Variants in PGLYRP4 observed in about 807,000 individuals in gnomAD.
PGLYRP4 encodes PGRP-I-beta.
PGLYRP4 carries 39 observed loss-of-function variants against 41.2 expected under a neutral mutation model. The ratio of observed to expected loss-of-function variants is 0.95; its 90% CI spans 0.73 to 1.24. The LOEUF (loss-of-function observed/expected upper bound fraction) is 1.24. PGLYRP4 is among the 50% of genes most tolerant of loss of function. The pLI, the probability that PGLYRP4 is intolerant of heterozygous loss-of-function variation, is 0.00. For synonymous variants in PGLYRP4, 202 were observed against 186.8 expected (o/e 1.08, Z -0.66); for missense variants, 467 against 460.7 (o/e 1.01, Z -0.13).
At chr1:153,341,906 GC>G in intron 5 of PGLYRP4, 127 bp from the exon 6 acceptor site, 1 of 813,404 alleles carries the variant, frequency 1.2e-6, no homozygotes, top group Non-Finnish European at 1.9e-6. Flanking sequence ...AACAGGTTAT[GC>G]CCCCAGTTGG....
rs1479813549 is a variant in PGLYRP4 at position 153,341,656 on chromosome 1, G to T, written c.596C>A (p.Ala199Asp). The T allele has an allele frequency of 6.2e-7, 1 of 1,613,258 alleles. No individual in the cohort carries two copies. The highest frequency in any genetic ancestry group is 1.3e-5 in the African/African-American group (1 of 74,920). Residue 199 changes from alanine to aspartate, a missense_variant, in exon 6 of 9, where the codon GCC becomes GAC. Transcript: ENST00000359650. ...PLLGKGENCLAPRQKTSLKKA... is the reference protein window; with the variant it reads ...PLLGKGENCLDPRQKTSLKKA... ...CTTCAGGCTTGTCTTCTGCCGAGGG[G>T]CCAGGCAGTTCTCGCCTTTCCCAAG...
chr1:153,341,553 A>T, intron 6 of PGLYRP4, 74 bp downstream of exon 6: 1 of 1,350,252 alleles, frequency 7.4e-7, no homozygotes, highest in Non-Finnish European at 1.0e-6. Context: ...TGAAAAGGTC[A>T]CTCCCAATGG....
chr1:153,341,813 C>G, intron 5 of PGLYRP4, 34 bp from the exon 6 acceptor site: 2 of 1,593,782 alleles, frequency 1.3e-6, no homozygotes, highest in Non-Finnish European at 1.7e-6. Flanking sequence ...AACCTCCACC[C>G]AGCCTGAGTT....
Position 153,330,658 on chromosome 1 carries a change from C to T in PGLYRP4, c.*109G>A. The T allele has an allele frequency of 1.2e-6, 1 of 864,300 alleles. No individual in the cohort carries two copies. Among genetic ancestry groups the T allele is most frequent in the Non-Finnish European group, 1.9e-6 (1 of 535,910 alleles). The allele number at this position is 864,300 out of a possible 1,614,324, so 53.5% of individuals were successfully genotyped here. ...CCAACCTGAAAAAGGAGGCACAGGA[C>T]TGTGTGGCAGGGGAGGAGGGCAAAA... is the stretch of plus-strand genomic sequence containing the variant. On this transcript the variant is annotated 3_prime_UTR_variant, in exon 9 of 9. Coordinates refer to ENST00000359650, the MANE Select transcript of PGLYRP4 (RefSeq NM_020393.4).
intron 7 of PGLYRP4, among the ~76,000 whole-genome samples, chr1:153,339,235 T>C (rs1039884083): frequency 6.6e-6 from 1 of 152,226 alleles, no homozygotes; most frequent in African/African-American, 2.4e-5. Flanking sequence ...ACAGTCCATT[T>C]TCAGGTATCC....
At chr1:153,344,146 A>C (rs2101575477) in intron 4 of PGLYRP4, among the ~76,000 whole-genome samples, 1 of 152,288 alleles carries the variant, frequency 6.6e-6, no homozygotes, top group East Asian at 1.9e-4. Context: ...AAAAACTCTT[A>C]GTCTGTAAGA....
intron 2 of PGLYRP4, among the ~76,000 whole-genome samples, chr1:153,347,345 G>A (rs967735758): frequency 4.6e-5 from 7 of 151,972 alleles, no homozygotes; most frequent in Admixed American, 4.6e-4. Context: ...GGCCAAGAGA[G>A]AATGGGTTTG....
rs568096428 is a variant in PGLYRP4, at chr1:153,336,388, A to C, written c.943+793T>G. ...CCATCTCAAAAAAAAAAAAAAAAAA[A>C]AAAACAAAGAAAGAAAAGAAAAGAA... On this transcript the variant is annotated intron_variant, in intron 8 of 8. Transcript: ENST00000359650. Among the ~76,000 whole-genome samples, 41 of 150,928 alleles carry C rather than the reference A, an allele frequency of 2.7e-4. No homozygotes were observed. In the East Asian group the frequency reaches 6.8e-3, roughly 25 times the overall value.
chr1:153,336,368 T>TGA (rs1393324540), intron 8 of PGLYRP4, among the ~76,000 whole-genome samples: 1 of 7,830 alleles, frequency 1.3e-4, no homozygotes, highest in African/African-American at 6.9e-4. Flanking sequence ...AGACTCCATC[T>TGA]CAAAAAAAAA....
chr1:153,345,348 G>A lies in PGLYRP4; in HGVS notation c.174C>T (p.Arg58=). 1.2e-6 allele frequency: 2 copies of A among 1,614,190 alleles called. No homozygotes were observed. Among genetic ancestry groups the A allele is most frequent in the Non-Finnish European group, 1.7e-6 (2 of 1,180,020 alleles). Residue 58 remains arginine, a synonymous_variant, in exon 4 of 9, where the codon CGC becomes CGT. Coordinates refer to ENST00000359650, the MANE Select transcript of PGLYRP4 (RefSeq NM_020393.4). The stretch of plus-strand genomic sequence containing the variant: ...CAACAGCTTCTGCCCCCCATGCCTT[G>A]CGAGAGACCGTGGTGGAGACATCTG... ...LPTDVSTTVS[R]KAWGAEAVGC...
chr1:153,340,056 G>C (rs551011589), intron 7 of PGLYRP4, among the ~76,000 whole-genome samples: 4 of 152,164 alleles, frequency 2.6e-5, no homozygotes, highest in Admixed American at 6.5e-5. Flanking sequence ...ACAATCTTTC[G>C]ATTATCTTTT....
chr1:153,344,374 C>G (rs1366630707), intron 4 of PGLYRP4, among the ~76,000 whole-genome samples: 1 of 152,182 alleles, frequency 6.6e-6, no homozygotes. Context: ...GACTCCACCC[C>G]ACCCTGTGGC....
At position 153,343,276 on chromosome 1, in the gene PGLYRP4, T is replaced by C. The variant is rs1660874951; in HGVS notation, c.354-68A>G. ...GACATTCCTGAGAGGTGAAACCACT[T>C]ACCCAGCCTCAAAATGGAGAAGGAC... On this transcript the variant is annotated intron_variant, in intron 4 of 8. Transcript: ENST00000359650. 1.3e-4 allele frequency: 131 copies of C among 1,017,028 alleles called. 1 individual carries two copies. In the South Asian group the frequency reaches 1.7e-3, roughly 13 times the overall value. The allele number at this position is 1,017,028 out of a possible 1,614,324, so 63.0% of individuals were successfully genotyped here.
intron 8 of PGLYRP4, among the ~76,000 whole-genome samples, chr1:153,335,994 ACTTCAAT>A (rs1660541099): frequency 6.6e-6 from 1 of 152,092 alleles, no homozygotes; most frequent in South Asian, 2.1e-4. Flanking sequence ...GCGTTGAATC[ACTTCAAT>A]GTCCATCAAT....
chr1:153,341,610 C>T lies in PGLYRP4; in HGVS notation c.625+17G>A, dbSNP rs2101570114. ...GAGCCCAGTGGCAGGCCCAGTAGGG[C>T]TGAAGAAAGGTCTTACCCTTCTTCA... is the stretch of plus-strand genomic sequence containing the variant. On this transcript the variant is annotated intron_variant, in intron 6 of 8. Coordinates refer to ENST00000359650, the MANE Select transcript of PGLYRP4 (RefSeq NM_020393.4). 6.2e-7 allele frequency: 1 copy of T among 1,601,700 alleles called. No homozygotes were observed. The highest frequency in any genetic ancestry group is 8.5e-7 in the Non-Finnish European group (1 of 1,174,580).
At position 153,336,362 on chromosome 1, in the gene PGLYRP4, T is replaced by G. The variant is rs1339722946; in HGVS notation, c.943+819A>C. On this transcript the variant is annotated intron_variant, in intron 8 of 8. Transcript: ENST00000359650. ...TCCAGCCTGGGTGACAGAGCGAGAC[T>G]CCATCTCAAAAAAAAAAAAAAAAAA... 4.1e-5 allele frequency among the ~76,000 whole-genome samples: 3 copies of G among 73,370 alleles called. No individual in the cohort carries two copies. In the Admixed American group the frequency reaches 7.6e-4, roughly 19 times the overall value. 48.1% of individuals were successfully genotyped at this position (73,370 alleles called of 152,430 possible). A position where few individuals can be genotyped will look rare whatever the true frequency, so the allele number is the denominator to read the frequency against.
intron 4 of PGLYRP4, 121 bp from the exon 5 acceptor site, chr1:153,343,329 G>C: frequency 1.5e-6 from 1 of 665,332 alleles, no homozygotes; most frequent in Non-Finnish European, 2.7e-6. Context: ...AAAGGAATTT[G>C]CATGAACTCT....
chr1:153,340,290 C>T (rs966595148), intron 7 of PGLYRP4, 91 bp downstream of exon 7: 33 of 1,114,416 alleles, frequency 3.0e-5, no homozygotes, highest in Non-Finnish European at 4.3e-5. Flanking sequence ...GGTGACTACC[C>T]AGTAAATATT....
At chr1:153,338,995 A>T (rs1414951318) in intron 7 of PGLYRP4, among the ~76,000 whole-genome samples, 1 of 152,234 alleles carries the variant, frequency 6.6e-6, no homozygotes, top group Non-Finnish European at 1.5e-5. Flanking sequence ...CAGAGTACAC[A>T]TTCAATTACA....
Sources: allele counts gnomAD v4.1 joint callset (sites outside exome capture counted in the v4.1 genomes callset), GRCh38; gene constraint gnomAD v4.1.1; transcripts MANE v1.5; gene names NCBI Gene and HGNC (gene_info 2026-07-23, HGNC 2026-07-21).